DMD: variants seen among roughly 807,000 people sequenced by gnomAD.
DMD encodes the protein mutant dystrophin.
Under a neutral mutation model 330.1 loss-of-function variants are expected in DMD, and 63 were observed. The ratio of observed to expected loss-of-function variants is 0.19; its 90% CI spans 0.16 to 0.24. The LOEUF (loss-of-function observed/expected upper bound fraction) is 0.24, where lower values mean the gene tolerates loss of function less well. DMD is among the 10% of genes least tolerant of loss of function. DMD has a pLI of 1.00. For synonymous variants in DMD, 1,223 were observed against 959.8 expected (o/e 1.27, Z -5.07); for missense variants, 3,344 against 2,684.1 (o/e 1.25, Z -5.43).
At chrX:32,638,636 T>G (rs2059247269) in intron 11 of DMD, among the ~76,000 whole-genome samples, 1 of 111,999 alleles carries the variant, frequency 8.9e-6, no homozygotes, top group South Asian at 3.7e-4. Context: ...ATCAATGAAC[T>G]TACCAAATTG....
intron 55 of DMD, among the ~76,000 whole-genome samples, chrX:31,603,937 C>CA: frequency 8.9e-6 from 1 of 112,193 alleles, no homozygotes; most frequent in Non-Finnish European, 1.9e-5. Context: ...ACCCATAATG[C>CA]AATGTGCTTC....
intron 12 of DMD, among the ~76,000 whole-genome samples, chrX:32,604,232 T>A (rs1305752842): frequency 9.1e-6 from 1 of 110,105 alleles, no homozygotes; most frequent in Non-Finnish European, 1.9e-5. Context: ...AATATATGTT[T>A]TGTGTGGTGC....
At chrX:32,225,751 G>A (rs761488838) in intron 43 of DMD, among the ~76,000 whole-genome samples, 13 of 106,465 alleles carry the variant, frequency 1.2e-4, no homozygotes, top group Admixed American at 1.1e-3. Context: ...CTCTGCTTTC[G>A]CCATGTGAAA....
At chrX:31,697,516 C>T (rs968886942) in intron 52 of DMD, among the ~76,000 whole-genome samples, 1 of 111,718 alleles carries the variant, frequency 9.0e-6, no homozygotes, top group Non-Finnish European at 1.9e-5. Context: ...TACGAACCTC[C>T]AGAAGTGTCA....
At chrX:32,225,065 C>T (rs945279034) in intron 43 of DMD, among the ~76,000 whole-genome samples, 2 of 111,973 alleles carry the variant, frequency 1.8e-5, no homozygotes, top group African/African-American at 6.5e-5. Flanking sequence ...CAAAGGAATT[C>T]TAGTTTTTAT....
Position 33,183,840 on chromosome X carries a change from A to G in DMD, c.31+27442T>C, listed in dbSNP as rs2050118208. Among the ~76,000 whole-genome samples the G allele has an allele frequency of 2.7e-5, 3 of 111,467 alleles. No individual in the cohort carries two copies. In the South Asian group the frequency reaches 1.1e-3, roughly 41 times the overall value. On this transcript the variant is annotated intron_variant, in intron 1 of 78. Transcript: ENST00000357033. Reference sequence around the variant, plus strand: ...CTCAGAACACTCTGCAGCTGCTTCTATAAAGAAAGCAGTGTGGGTTTAATT... The same window carrying G: ...CTCAGAACACTCTGCAGCTGCTTCTGTAAAGAAAGCAGTGTGGGTTTAATT...
chrX:32,955,796 T>C (rs1033092328), intron 2 of DMD, among the ~76,000 whole-genome samples: 2 of 112,125 alleles, frequency 1.8e-5, no homozygotes, highest in Admixed American at 9.5e-5. Context: ...GAATAGGTAG[T>C]CCTTTCCCCA....
intron 37 of DMD, among the ~76,000 whole-genome samples, chrX:32,358,707 G>A (rs149744295): frequency 0.017 from 1,938 of 110,871 alleles, 25 homozygotes; most frequent in Middle Eastern, 0.033. Flanking sequence ...AAATAGCAAA[G>A]ACACGATTTT....
At chrX:32,166,628 G>A (rs779305638) in intron 44 of DMD, among the ~76,000 whole-genome samples, 94 of 111,289 alleles carry the variant, frequency 8.4e-4, no homozygotes, top group African/African-American at 2.8e-3. Context: ...AAAGGACAGC[G>A]TTTGTCTGTT....
intron 55 of DMD, among the ~76,000 whole-genome samples, chrX:31,541,786 C>T (rs1020959054): frequency 7.3e-5 from 8 of 110,310 alleles, no homozygotes; most frequent in East Asian, 2.8e-4. Context: ...TAAATAGTGC[C>T]GCAATAAACA....
intron 9 of DMD, among the ~76,000 whole-genome samples, chrX:32,652,470 C>G (rs778466371): frequency 9.1e-6 from 1 of 110,038 alleles, no homozygotes; most frequent in Non-Finnish European, 1.9e-5. Flanking sequence ...ATGAACTCAT[C>G]CTGTTTTATG....
chrX:32,307,937 A>G (rs997334017), intron 42 of DMD, among the ~76,000 whole-genome samples: 1 of 111,228 alleles, frequency 9.0e-6, no homozygotes, highest in Non-Finnish European at 1.9e-5. Flanking sequence ...AACTTTGTAC[A>G]TATAAGCAAT....
rs1176225900 is a variant in DMD, at chrX:31,177,976, A to C, written c.10224-6T>G. 8.3e-7 allele frequency: 1 copy of C among 1,205,804 alleles called. No homozygotes were observed. Among genetic ancestry groups the C allele is most frequent in the Non-Finnish European group, 1.1e-6 (1 of 891,238 alleles). ...AGTTGATCAGAGTAACGGGACTGCA[A>C]AACAAAAAATGAGGTGGTGAAGGAG... On this transcript the variant is annotated splice_polypyrimidine_tract_variant and splice_region_variant and intron_variant, in intron 70 of 78. Coordinates refer to ENST00000357033, the MANE Select transcript of DMD (RefSeq NM_004006.3).
intron 5 of DMD, among the ~76,000 whole-genome samples, chrX:32,820,947 A>G (rs935186782): frequency 9.0e-6 from 1 of 111,566 alleles, no homozygotes; most frequent in African/African-American, 3.3e-5. Context: ...AGATATTTTG[A>G]GAAGTACTGA....
At chrX:32,343,553 C>T (rs2097754578) in intron 39 of DMD, among the ~76,000 whole-genome samples, 1 of 111,692 alleles carries the variant, frequency 9.0e-6, no homozygotes, top group Non-Finnish European at 1.9e-5. Context: ...TTGTCACATT[C>T]AATTGACTCT....
intron 47 of DMD, among the ~76,000 whole-genome samples, chrX:31,898,544 G>A (rs1322267447): frequency 9.0e-6 from 1 of 111,713 alleles, no homozygotes; most frequent in Admixed American, 9.5e-5. Context: ...AATAAACGGT[G>A]CTGGGAAAAT....
At chrX:32,510,632 T>C (rs2045194628) in intron 18 of DMD, among the ~76,000 whole-genome samples, 1 of 111,465 alleles carries the variant, frequency 9.0e-6, no homozygotes, top group African/African-American at 3.3e-5. Flanking sequence ...CGCGTCCATA[T>C]ACAATATTAT....
chrX:33,252,551 G>C (rs986581612), intron 1 of DMD, among the ~76,000 whole-genome samples: 1 of 110,252 alleles, frequency 9.1e-6, no homozygotes, highest in African/African-American at 3.3e-5. Context: ...AAAACATGTG[G>C]CATTCATGTT....
rs759808096 is a variant in DMD at position 32,698,119 on chromosome X, T to C, written c.832-121A>G. The C allele has an allele frequency of 9.3e-6, 7 of 749,817 alleles. No homozygotes were observed. The South Asian group carries it at 1.3e-4, about 14-fold the overall frequency. The allele number at this position is 749,817 out of a possible 1,213,427, so 61.8% of individuals were successfully genotyped here. ...ATTAAATGGAAATGGTGAGATTCAATGTTTAATACTAAACATATATAAATG... is the reference window on the plus strand; with the variant it reads ...ATTAAATGGAAATGGTGAGATTCAACGTTTAATACTAAACATATATAAATG... On this transcript the variant is annotated intron_variant, in intron 8 of 78. Transcript: ENST00000357033.
Sources: allele counts gnomAD v4.1 joint callset (sites outside exome capture counted in the v4.1 genomes callset), GRCh38; gene constraint gnomAD v4.1.1; transcripts MANE v1.5; gene names NCBI Gene and HGNC (gene_info 2026-07-23, HGNC 2026-07-21).